The following PWWP3A variants were observed in gnomAD, a reference collection of about 807,000 sequenced individuals.
The protein encoded by PWWP3A is PWWP domain containing 3A, DNA repair factor, also known as PWWP domain-containing DNA repair factor 3A.
PWWP3A carries 53 observed loss-of-function variants against 79.0 expected under a neutral mutation model. The observed-to-expected ratio is 0.67, with a 90% CI of 0.54 to 0.84. The LOEUF (loss-of-function observed/expected upper bound fraction) is 0.84, where lower values mean the gene tolerates loss of function less well. PWWP3A is among the 40% of genes least tolerant of loss of function. PWWP3A has a pLI of 0.00. For synonymous variants in PWWP3A, 443 were observed against 394.4 expected (o/e 1.12, Z -1.46); for missense variants, 973 against 948.0 (o/e 1.03, Z -0.35).
chr19:1,360,562 C>A lies in PWWP3A; in HGVS notation c.641C>A (p.Ala214Glu). Residue 214 changes from alanine (A) to glutamate (E), a missense_variant, in exon 5 of 14, where the codon GCA becomes GAA. By Grantham distance (107) the Ala-to-Glu change is moderately radical. Transcript: ENST00000591337. The surrounding 1 kb of genome is among the most constrained non-coding windows in gnomAD (Gnocchi z 4.4). Reference protein sequence around the residue: ...SRIHHKNWTLASKRGGNSAQK... With the variant: ...SRIHHKNWTLESKRGGNSAQK... ...ATCCACCACAAAAATTGGACTCTTG[C>A]AAGTAAGAGGGGAGGAAACTCAGCG... 1.2e-6 allele frequency: 2 copies of A among 1,614,208 alleles called. No homozygotes were observed.
intron 11 of PWWP3A, among the ~76,000 whole-genome samples, chr19:1,370,039 G>A (rs2082216933): frequency 6.6e-6 from 1 of 152,222 alleles, no homozygotes; most frequent in Non-Finnish European, 1.5e-5. Flanking sequence ...AGACTAGCTT[G>A]ATCAACAGAG....
At chr19:1,355,590 C>T (rs1194515008) in intron 1 of PWWP3A, among the ~76,000 whole-genome samples, 1 of 141,244 alleles carries the variant, frequency 7.1e-6, no homozygotes, top group African/African-American at 2.6e-5. Flanking sequence ...CTGCTGTGAC[C>T]CCCTTCTCTG....
At chr19:1,373,639 C>T (rs1480273207) in intron 13 of PWWP3A, 2 of 157,406 alleles carry the variant, frequency 1.3e-5, no homozygotes, top group Non-Finnish European at 2.8e-5. Context: ...CTAATCCTGT[C>T]TCTGGGCATG....
chr19:1,375,518 AATC>A lies in PWWP3A; in HGVS notation c.2076-998_2076-996del, dbSNP rs1284656290. 5.3e-4 allele frequency among the ~76,000 whole-genome samples: 61 copies of A among 114,788 alleles called. No individual in the cohort carries two copies. In the East Asian group the frequency reaches 9.4e-3, roughly 18 times the overall value. The allele number at this position is 114,788 out of a possible 152,430, so 75.3% of individuals were successfully genotyped here. ...TATAAATTTTATATATAATATATAA[AATC>A]ATATAATTTATATATTTTATATATA... On this transcript the variant is annotated intron_variant, in intron 13 of 13. Transcript: ENST00000591337.
Position 1,371,202 on chromosome 19 carries a change from C to T in PWWP3A, c.1986+124C>T, listed in dbSNP as rs182532164. Reference sequence around the variant, plus strand: ...CCTGGCCGTTCGGCGGCCAACGGAGCGTGGAGGCCTCCTGTGTTTACATCC... The same window carrying T: ...CCTGGCCGTTCGGCGGCCAACGGAGTGTGGAGGCCTCCTGTGTTTACATCC... On this transcript the variant is annotated intron_variant, in intron 12 of 13. Transcript: ENST00000591337. The T allele has an allele frequency of 5.9e-5, 63 of 1,067,474 alleles. 1 individual carries two copies. In the African/African-American group the frequency reaches 6.2e-4, roughly 11 times the overall value. 66.1% of individuals were successfully genotyped at this position (1,067,474 alleles called of 1,614,324 possible). A position where few individuals can be genotyped will look rare whatever the true frequency, so the allele number is the denominator to read the frequency against.
In PWWP3A at chr19:1,370,841, G is replaced by T. The variant is rs867059843; in HGVS notation, c.1749G>T (p.Lys583Asn). Residue 583 changes from lysine (K) to asparagine (N), a missense_variant, in exon 12 of 14, where the codon AAG (lysine) becomes AAT (asparagine). Coordinates refer to ENST00000591337, the MANE Select transcript of PWWP3A (RefSeq NM_001369789.1). ...QKLVEYIVKA[K>N]GAESHLRAIL... ...TGGTGGAGTACATTGTGAAGGCCAA[G>T]GGCGCGGAGAGCCACCTGCGGGCCA... 1 of 1,571,040 alleles carries T rather than the reference G, an allele frequency of 6.4e-7. No homozygotes were observed. The highest frequency in any genetic ancestry group is 2.3e-5 in the East Asian group (1 of 42,616).
rs1055143544 is a variant in PWWP3A at position 1,359,487 on chromosome 19, T to C, written c.215-649T>C. The C allele has an allele frequency of 2.0e-5, 3 of 151,594 alleles. No individual in the cohort carries two copies. The Admixed American group carries it at 2.0e-4, about 10-fold the overall frequency. The allele number at this position is 151,594 out of a possible 1,614,324, so 9.4% of individuals were successfully genotyped here. On this transcript the variant is annotated intron_variant, in intron 4 of 13. Coordinates refer to ENST00000591337, the MANE Select transcript of PWWP3A (RefSeq NM_001369789.1). ...GAATACTGTTCTGATTGAGGCATTA[T>C]GCCCGCTGAGTTGTGATATTACATC...
chr19:1,370,747 A>G lies in PWWP3A; in HGVS notation c.1655A>G (p.Gln552Arg). The G allele has an allele frequency of 6.7e-7, 1 of 1,495,776 alleles. No homozygotes were observed. The highest frequency in any genetic ancestry group is 8.9e-7 in the Non-Finnish European group (1 of 1,118,328). The allele number at this position is 1,495,776 out of a possible 1,614,324, so 92.7% of individuals were successfully genotyped here. The change falls in exon 12 of 14, where the codon CAG becomes CGG. Residue 552 changes from glutamine (Q) to arginine (R), a missense_variant. Physicochemically the swap from Gln to Arg is conservative, Grantham distance 43. Coordinates refer to ENST00000591337, the MANE Select transcript of PWWP3A (RefSeq NM_001369789.1). Reference sequence around the variant, plus strand: ...CCCGTGGTGGGGTGCCCCCTGGGGCAGAGGCAGCCCTGCCGGAAAATGCTC... The same window carrying G: ...CCCGTGGTGGGGTGCCCCCTGGGGCGGAGGCAGCCCTGCCGGAAAATGCTC... Reference protein sequence around the residue: ...EEPVVGCPLGQRQPCRKMLPD... With the variant: ...EEPVVGCPLGRRQPCRKMLPD...
intron 13 of PWWP3A, among the ~76,000 whole-genome samples, chr19:1,375,259 A>C (rs1433204562): frequency 6.6e-6 from 1 of 150,422 alleles, no homozygotes; most frequent in African/African-American, 2.4e-5. Flanking sequence ...TGTAAAAGTT[A>C]CCATCCTAAC....
Position 1,370,838 on chromosome 19 carries a change from CA to C in PWWP3A, c.1748del (p.Lys583ArgfsTer11). 2 of 1,571,760 alleles carry C rather than the reference CA, an allele frequency of 1.3e-6. No individual in the cohort carries two copies. The highest frequency in any genetic ancestry group is 1.9e-5 in the Admixed American group (1 of 53,480). On this transcript the variant is annotated frameshift_variant, in exon 12 of 14. Coordinates refer to ENST00000591337, the MANE Select transcript of PWWP3A (RefSeq NM_001369789.1). LOFTEE classifies it high-confidence loss of function. ...AGCTGGTGGAGTACATTGTGAAGGC[CA>C]AGGGCGCGGAGAGCCACCTGCGGGC... ...QKLVEYIVKA[K>X]GAESHLRAIL...
At chr19:1,371,215 T>C (rs2082252273) in intron 12 of PWWP3A, 137 bp downstream of exon 12, 4 of 941,338 alleles carry the variant, frequency 4.2e-6, no homozygotes, top group Non-Finnish European at 6.6e-6. Context: ...GGAGGCCTCC[T>C]GTGTTTACAT....
In PWWP3A at chr19:1,377,822, C is replaced by G. The variant is rs1217180396; in HGVS notation, c.*1246C>G. On this transcript the variant is annotated 3_prime_UTR_variant, in exon 14 of 14. Coordinates refer to ENST00000591337, the MANE Select transcript of PWWP3A (RefSeq NM_001369789.1). ...GGCCTTGCTTTGAGGGGCTGTGACC[C>G]TCTTCCCCCAGGCCCTCCCCAGCCG... 6.6e-6 allele frequency: 1 copy of G among 152,290 alleles called. No homozygotes were observed. Among genetic ancestry groups the G allele is most frequent in the Non-Finnish European group, 1.5e-5 (1 of 68,088 alleles). The allele number at this position is 152,290 out of a possible 1,614,324, so 9.4% of individuals were successfully genotyped here.
At chr19:1,364,631 AT>A in intron 7 of PWWP3A, 52 bp downstream of exon 7, 1 of 1,279,314 alleles carries the variant, frequency 7.8e-7, no homozygotes, top group South Asian at 1.3e-5. Flanking sequence ...AATTTCATGA[AT>A]TTTTATTCCA....
In PWWP3A at chr19:1,360,888, G is replaced by T. The variant is rs762689916; in HGVS notation, c.967G>T (p.Ala323Ser). 10 of 1,545,404 alleles carry T rather than the reference G, an allele frequency of 6.5e-6. No homozygotes were observed. The highest frequency in any genetic ancestry group is 3.6e-5 in the South Asian group (3 of 83,782). Residue 323 changes from alanine to serine, a missense_variant, in exon 5 of 14, where the codon GCC becomes TCC. Transcript: ENST00000591337. The surrounding 1 kb of genome is among the most constrained non-coding windows in gnomAD (Gnocchi z 4.4). ...GCAGCTGGAGCCCATGGCAGCAGGGGCCGCACCATCCCCCGGGCCGGGGCC... is the reference window on the plus strand; with the variant it reads ...GCAGCTGGAGCCCATGGCAGCAGGGTCCGCACCATCCCCCGGGCCGGGGCC... ...AVQLEPMAAG[A>S]APSPGPGPGP...
chr19:1,375,585 G>A (rs185731048), intron 13 of PWWP3A, among the ~76,000 whole-genome samples: 344 of 12,316 alleles, frequency 0.028, 3 homozygotes, highest in Middle Eastern at 0.059. Flanking sequence ...TATATAAAAT[G>A]TATAATTTTA....
chr19:1,372,552 C>G (rs1035319639), intron 12 of PWWP3A: 1 of 151,986 alleles, frequency 6.6e-6, no homozygotes, highest in African/African-American at 2.4e-5. Context: ...AGGCCAGGAG[C>G]TTGAGACCAG....
intron 8 of PWWP3A, among the ~76,000 whole-genome samples, chr19:1,366,955 C>G (rs776230213): frequency 6.6e-6 from 1 of 152,192 alleles, no homozygotes; most frequent in African/African-American, 2.4e-5. Context: ...CTGGCGGGGC[C>G]CAGTCAGTGT....
chr19:1,376,886 G>T lies in PWWP3A; in HGVS notation c.*310G>T. On this transcript the variant is annotated 3_prime_UTR_variant, in exon 14 of 14. Coordinates refer to ENST00000591337, the MANE Select transcript of PWWP3A (RefSeq NM_001369789.1). ...CGCCAGTACTCCTGGCTGTGCTGTG[G>T]TTTCTCCCGACGTGCACATCGATCT... 1 of 257,572 alleles carries T rather than the reference G, an allele frequency of 3.9e-6. No individual in the cohort carries two copies. Among genetic ancestry groups the T allele is most frequent in the South Asian group, 1.2e-4 (1 of 8,512 alleles). 16.0% of individuals were successfully genotyped at this position (257,572 alleles called of 1,614,324 possible).
rs767737929 is a variant in PWWP3A, at chr19:1,356,991, C to A, written c.58-18C>A. On this transcript the variant is annotated intron_variant, in intron 2 of 13. Transcript: ENST00000591337. The stretch of plus-strand genomic sequence containing the variant: ...CAGCTGTTGTAATAACAAGGATTTT[C>A]TTTTGTTTTAAATGTAGGTTTTGGC... 7.5e-6 allele frequency: 12 copies of A among 1,601,182 alleles called. No homozygotes were observed. In the South Asian group the frequency reaches 1.2e-4, roughly 17 times the overall value.
Sources: allele counts gnomAD v4.1 joint callset (sites outside exome capture counted in the v4.1 genomes callset), GRCh38; gene constraint gnomAD v4.1.1; non-coding constraint Gnocchi (gnomAD v3.1); transcripts MANE v1.5; gene names NCBI Gene and HGNC (gene_info 2026-07-23, HGNC 2026-07-21).